Variants in CSMD1 observed in about 807,000 individuals in gnomAD.
The protein encoded by CSMD1 is CUB and sushi domain-containing protein 1.
A neutral mutation model predicts 417.5 loss-of-function variants in CSMD1; 213 were observed. The observed-to-expected ratio is 0.51, with a 90% CI of 0.46 to 0.57. CSMD1 has a LOEUF of 0.57. CSMD1 is among the 20% of genes least tolerant of loss of function. The pLI is 0.00. For missense variants in CSMD1, 6,923 were observed against 4,529.7 expected, an observed-to-expected ratio of 1.53 and a Z score of -15.17; for synonymous variants, 2,862 against 1,736.8, an observed-to-expected ratio of 1.65 and a Z score of -16.11.
chr8:3,811,770 G>C (rs897024894), intron 5 of CSMD1, among the ~76,000 whole-genome samples: 3 of 152,118 alleles, frequency 2.0e-5, no homozygotes, highest in Non-Finnish European at 4.4e-5. Context: ...CAATAGCTGA[G>C]TGAGAGATGA....
chr8:4,633,749 G>A (rs189123872), intron 2 of CSMD1, among the ~76,000 whole-genome samples: 6 of 151,944 alleles, frequency 3.9e-5, no homozygotes, highest in Middle Eastern at 6.8e-3. Context: ...TAGTGGAGAC[G>A]GGGTTTCATC....
chr8:4,167,937 G>A lies in CSMD1; in HGVS notation c.416-135838C>T, dbSNP rs576919748. Among the ~76,000 whole-genome samples, 10 of 152,138 alleles carry A rather than the reference G, an allele frequency of 6.6e-5. No individual in the cohort carries two copies. The East Asian group carries it at 1.7e-3, about 27-fold the overall frequency. On this transcript the variant is annotated intron_variant, in intron 3 of 69. Transcript: ENST00000635120. ...GAGGTCAGGAGTTCAAGACCAGCCTGGCCAGCATGGTGAAACCCTATCTCT... is the reference window on the plus strand; with the variant it reads ...GAGGTCAGGAGTTCAAGACCAGCCTAGCCAGCATGGTGAAACCCTATCTCT...
At position 4,526,239 on chromosome 8, in the gene CSMD1, A is replaced by G. The variant is rs1427243503; in HGVS notation, c.303-106174T>C. Reference sequence around the variant, plus strand: ...GCGCTACATTTGATTATAATACTAGACAAGAGATTCCCATTATAAAGCAAA... The same window carrying G: ...GCGCTACATTTGATTATAATACTAGGCAAGAGATTCCCATTATAAAGCAAA... On this transcript the variant is annotated intron_variant, in intron 2 of 69. Coordinates refer to ENST00000635120, the MANE Select transcript of CSMD1 (RefSeq NM_033225.6). Among the ~76,000 whole-genome samples, 5 of 152,232 alleles carry G rather than the reference A, an allele frequency of 3.3e-5. No individual in the cohort carries two copies. The South Asian group carries it at 1.0e-3, about 31-fold the overall frequency.
At chr8:4,360,881 C>T (rs1329612628) in intron 3 of CSMD1, among the ~76,000 whole-genome samples, 1 of 152,134 alleles carries the variant, frequency 6.6e-6, no homozygotes, top group Non-Finnish European at 1.5e-5. Flanking sequence ...TGGTAAAGCA[C>T]TGACAGGTCC....
intron 1 of CSMD1, among the ~76,000 whole-genome samples, chr8:4,678,997 C>G (rs939164634): frequency 2.0e-5 from 3 of 152,206 alleles, no homozygotes; most frequent in African/African-American, 7.2e-5. Context: ...CTCAACCTCA[C>G]CCACAGAACA....
intron 1 of CSMD1, among the ~76,000 whole-genome samples, chr8:4,660,108 C>G (rs947768237): frequency 8.9e-6 from 1 of 112,938 alleles, no homozygotes; most frequent in Non-Finnish European, 1.8e-5. Context: ...GAGTTCTCAA[C>G]CAGTGCAAAA....
Position 4,077,434 on chromosome 8 carries a change from A to C in CSMD1, c.416-45335T>G, listed in dbSNP as rs555398351. Among the ~76,000 whole-genome samples, 18 of 151,614 alleles carry C rather than the reference A, an allele frequency of 1.2e-4. No homozygotes were observed. The East Asian group carries it at 3.3e-3, about 28-fold the overall frequency. ...TAATAATTTTTATATGCAATAATTA[A>C]TTTGAGTATCCTATACATATCATTA... On this transcript the variant is annotated intron_variant, in intron 3 of 69. Transcript: ENST00000635120.
At chr8:4,468,018 C>A (rs1008159165) in intron 2 of CSMD1, among the ~76,000 whole-genome samples, 2 of 151,892 alleles carry the variant, frequency 1.3e-5, no homozygotes, top group East Asian at 3.9e-4. Flanking sequence ...GTGATAACCC[C>A]ATCTCTCACA....
intron 37 of CSMD1, among the ~76,000 whole-genome samples, chr8:3,163,387 G>A (rs1375470887): frequency 6.6e-6 from 1 of 151,716 alleles, no homozygotes; most frequent in Non-Finnish European, 1.5e-5. Context: ...GGTGGAGGAG[G>A]TGAGTAGGAC....
At chr8:4,033,774 C>T (rs185102238) in intron 3 of CSMD1, among the ~76,000 whole-genome samples, 136 of 152,294 alleles carry the variant, frequency 8.9e-4, no homozygotes, top group Non-Finnish European at 9.6e-4. Flanking sequence ...GGTCCTCTCA[C>T]TTTTTCCTTG....
intron 10 of CSMD1, among the ~76,000 whole-genome samples, chr8:3,520,821 A>G (rs1205824048): frequency 1.3e-5 from 2 of 152,140 alleles, no homozygotes; most frequent in African/African-American, 4.8e-5. Flanking sequence ...ACTAGGAAAC[A>G]TCAACACCTC....
At chr8:4,318,504 C>G (rs910423220) in intron 3 of CSMD1, among the ~76,000 whole-genome samples, 1 of 152,062 alleles carries the variant, frequency 6.6e-6, no homozygotes, top group Non-Finnish European at 1.5e-5. Context: ...ACCTACTCAA[C>G]TGGCGAGAAA....
At position 3,809,741 on chromosome 8, in the gene CSMD1, T is replaced by A. The variant is rs528345324; in HGVS notation, c.819-55699A>T. ...TATAGGTCTTCAAGGAAGGTTTTCC[T>A]AAGAGGGGAGTTGAGACAACAGGAA... On this transcript the variant is annotated intron_variant, in intron 5 of 69. Transcript: ENST00000635120. Among the ~76,000 whole-genome samples the A allele has an allele frequency of 5.2e-4, 79 of 152,252 alleles. 2 individuals are homozygous for A. The highest frequency in any genetic ancestry group is 1.9e-3 in the African/African-American group (78 of 41,554).
intron 68 of CSMD1, 39 bp from the exon 69 acceptor site, chr8:2,942,643 A>G (rs1801961574): frequency 6.8e-7 from 1 of 1,478,534 alleles, no homozygotes; most frequent in Non-Finnish European, 9.1e-7. Flanking sequence ...TTGTTACTGT[A>G]CTCTGCTTAA....
chr8:3,359,949 G>T (rs142091772), intron 20 of CSMD1, among the ~76,000 whole-genome samples: 1 of 152,288 alleles, frequency 6.6e-6, no homozygotes, highest in East Asian at 1.9e-4. Flanking sequence ...CTGTCAGCTT[G>T]AGAGTGTGGA....
intron 1 of CSMD1, among the ~76,000 whole-genome samples, chr8:4,932,347 A>T (rs1237787788): frequency 6.6e-6 from 1 of 152,144 alleles, no homozygotes; most frequent in Non-Finnish European, 1.5e-5. Flanking sequence ...TAGAAAAAAA[A>T]AAACACTCAA....
At chr8:4,108,024 GGA>G (rs376922802) in intron 3 of CSMD1, among the ~76,000 whole-genome samples, 12 of 150,198 alleles carry the variant, frequency 8.0e-5, no homozygotes, top group Admixed American at 2.0e-4. Context: ...AGACTGCAGG[GGA>G]GAGAGAGAGA....
intron 7 of CSMD1, among the ~76,000 whole-genome samples, chr8:3,672,892 T>A (rs762504560): frequency 1.3e-5 from 2 of 152,226 alleles, no homozygotes; most frequent in Non-Finnish European, 2.9e-5. Context: ...TGAAAATCCA[T>A]GGTTTTTCTA....
intron 5 of CSMD1, among the ~76,000 whole-genome samples, chr8:3,892,705 A>C (rs1807063384): frequency 7.2e-6 from 1 of 138,376 alleles, no homozygotes; most frequent in African/African-American, 2.7e-5. Context: ...ATTTGAGTAC[A>C]TTTAGGCAGG....
Sources: allele counts gnomAD v4.1 joint callset (sites outside exome capture counted in the v4.1 genomes callset), GRCh38; gene constraint gnomAD v4.1.1; transcripts MANE v1.5; gene names NCBI Gene and HGNC (gene_info 2026-07-23, HGNC 2026-07-21).